The following ZNF875 variants were observed in gnomAD, a reference collection of about 807,000 sequenced individuals.
The protein encoded by ZNF875 is HKR1, GLI-Kruppel zinc finger family member.
A neutral mutation model predicts 11.2 loss-of-function variants in ZNF875; 14 were observed. That is an observed-to-expected ratio of 1.26 (90% CI 0.83 to 1.96). ZNF875 has a LOEUF of 1.96. Ranked by LOEUF, ZNF875 falls within the 30% of genes most tolerant of loss-of-function variation. The pLI, the probability that ZNF875 is intolerant of heterozygous loss-of-function variation, is 0.00. For missense variants in ZNF875, 752 were observed against 760.4 expected, an observed-to-expected ratio of 0.99 and a Z score of 0.13; for synonymous variants, 301 against 281.1, an observed-to-expected ratio of 1.07 and a Z score of -0.71.
At chr19:37,332,780 G>A (rs529361247), upstream of ZNF875, among the ~76,000 whole-genome samples, 2 of 152,192 alleles carry the variant, frequency 1.3e-5, no homozygotes, top group South Asian at 4.1e-4. Flanking sequence ...TTCCCTTGAT[G>A]GGCATGACTA....
upstream of ZNF875, among the ~76,000 whole-genome samples, chr19:37,316,166 A>G (rs534493489): frequency 6.6e-5 from 10 of 152,332 alleles, no homozygotes; most frequent in East Asian, 1.7e-3. Context: ...AATGCCTGCA[A>G]AACACTGACT....
At chr19:37,347,383 G>A in intron 3 of ZNF875, 67 bp downstream of exon 3, 1 of 1,458,172 alleles carries the variant, frequency 6.9e-7, no homozygotes, top group Non-Finnish European at 9.4e-7. Flanking sequence ...TCGTGAGGAA[G>A]GGCTACCTGC....
intron 1 of ZNF875, among the ~76,000 whole-genome samples, chr19:37,319,436 G>A (rs1568558360): frequency 6.7e-6 from 1 of 148,880 alleles, no homozygotes; most frequent in Non-Finnish European, 1.5e-5. Flanking sequence ...TCTGACTTTT[G>A]TAGTATTTAT....
intron 4 of ZNF875, among the ~76,000 whole-genome samples, chr19:37,351,424 T>A (rs1299720325): frequency 1.3e-5 from 2 of 152,192 alleles, no homozygotes; most frequent in Non-Finnish European, 2.9e-5. Flanking sequence ...CTATATCCCA[T>A]TTAAGTGATT....
chr19:37,324,832 TATGGC>T (rs2032143958), intron 4 of ZNF875: 1 of 159,982 alleles, frequency 6.3e-6, no homozygotes, highest in African/African-American at 2.4e-5. Context: ...TGGAGTGTAG[TATGGC>T]GATCTCTGCT....
intron 2 of ZNF875, among the ~76,000 whole-genome samples, chr19:37,341,571 A>G (rs1324444123): frequency 6.6e-6 from 1 of 152,176 alleles, no homozygotes; most frequent in Non-Finnish European, 1.5e-5. Context: ...CTTTTGGCCA[A>G]AGGAAGTCAC....
upstream of ZNF875, among the ~76,000 whole-genome samples, chr19:37,316,542 G>GT (rs1312092116): frequency 4.0e-5 from 6 of 150,910 alleles, no homozygotes; most frequent in African/African-American, 1.5e-4. Flanking sequence ...GCTAATTTTT[G>GT]TTTTTTTAGT....
At chr19:37,360,851 T>G (rs1451032123) in intron 4 of ZNF875, among the ~76,000 whole-genome samples, 1 of 152,110 alleles carries the variant, frequency 6.6e-6, no homozygotes, top group East Asian at 1.9e-4. Context: ...CCTTAGCATT[T>G]TATTATTTTT....
chr19:37,363,594 C>T lies in ZNF875; in HGVS notation c.1742C>T (p.Ala581Val). The T allele has an allele frequency of 6.2e-7, 1 of 1,613,662 alleles. No individual in the cohort carries two copies. The highest frequency in any genetic ancestry group is 8.5e-7 in the Non-Finnish European group (1 of 1,179,892). Residue 581 changes from alanine to valine, a missense_variant, in exon 5 of 5, where the codon GCA becomes GTA. By Grantham distance (64) the Ala-to-Val change is moderately conservative (BLOSUM62 0). Coordinates refer to ENST00000392153, the MANE Select transcript of ZNF875 (RefSeq NM_001353803.2). ...AKLTLIKHQR[A>V]HAGGKPHVCR... ...TTAACTCTCATTAAACACCAGAGAGCACACGCAGGGGGGAAGCCTCATGTG... is the reference window on the plus strand; with the variant it reads ...TTAACTCTCATTAAACACCAGAGAGTACACGCAGGGGGGAAGCCTCATGTG...
At chr19:37,357,934 G>A in intron 4 of ZNF875, 1 of 398,366 alleles carries the variant, frequency 2.5e-6, no homozygotes, top group Non-Finnish European at 4.4e-6. Context: ...GGTGAGAGCA[G>A]ACATCCTTTT....
chr19:37,345,687 A>G (rs529499181), intron 2 of ZNF875, among the ~76,000 whole-genome samples: 1 of 152,330 alleles, frequency 6.6e-6, no homozygotes, highest in East Asian at 1.9e-4. Context: ...AACATAACCC[A>G]TAGATTGAGA....
In ZNF875 at chr19:37,348,572, A is replaced by C. The variant is rs947118372; in HGVS notation, c.256+700A>C. On this transcript the variant is annotated intron_variant, in intron 4 of 4. Transcript: ENST00000392153. Reference sequence around the variant, plus strand: ...GTATTTTGTTTTCTTCCCTGAGACTAATTTTGTACTATGTTGGTATATGTA... The same window carrying C: ...GTATTTTGTTTTCTTCCCTGAGACTCATTTTGTACTATGTTGGTATATGTA... Among the ~76,000 whole-genome samples the C allele has an allele frequency of 3.3e-5, 5 of 152,174 alleles. No individual in the cohort carries two copies. In the East Asian group the frequency reaches 9.6e-4, roughly 29 times the overall value.
intron 2 of ZNF875, among the ~76,000 whole-genome samples, chr19:37,338,827 G>A (rs1051087260): frequency 7.2e-5 from 11 of 152,276 alleles, no homozygotes; most frequent in Middle Eastern, 3.4e-3. Context: ...TTTCAGGAGC[G>A]TTGGGTAGAA....
rs769554350 is a variant in ZNF875 at position 37,347,791 on chromosome 19, A to G, written c.175A>G (p.Lys59Glu). ...HLVSLEIPSS[K>E]PKLIAQLERG... ...CCTATGAACAGAAATTCCATCTTCT[A>G]AACCAAAACTCATTGCTCAGCTGGA... Residue 59 changes from lysine to glutamate, a missense_variant, in exon 4 of 5, where the codon AAA (lysine) becomes GAA (glutamate). By Grantham distance (56) the Lys-to-Glu change is moderately conservative. Coordinates refer to ENST00000392153, the MANE Select transcript of ZNF875 (RefSeq NM_001353803.2). The G allele has an allele frequency of 6.2e-7, 1 of 1,612,170 alleles. No homozygotes were observed. Among genetic ancestry groups the G allele is most frequent in the African/African-American group, 1.3e-5 (1 of 74,858 alleles).
chr19:37,364,360 G>A lies in ZNF875; in HGVS notation c.*585G>A, dbSNP rs1026810444. 1 of 152,960 alleles carries A rather than the reference G, an allele frequency of 6.5e-6. No homozygotes were observed. Among genetic ancestry groups the A allele is most frequent in the Non-Finnish European group, 1.5e-5 (1 of 68,698 alleles). The allele number at this position is 152,960 out of a possible 1,614,324, so 9.5% of individuals were successfully genotyped here. A position where few individuals can be genotyped will look rare whatever the true frequency, so the allele number is the denominator to read the frequency against. On this transcript the variant is annotated 3_prime_UTR_variant, in exon 5 of 5. Coordinates refer to ENST00000392153, the MANE Select transcript of ZNF875 (RefSeq NM_001353803.2). ...CTGCAGTGAGGAGAGAAATCACCCT[G>A]CTGTGGGGGTTGGGGACCACTCCCT...
At chr19:37,352,243 T>G (rs1002048907) in intron 4 of ZNF875, among the ~76,000 whole-genome samples, 1 of 150,096 alleles carries the variant, frequency 6.7e-6, no homozygotes, top group Non-Finnish European at 1.5e-5. Flanking sequence ...TGAGACAGAG[T>G]TTTGCTTTTG....
chr19:37,347,845 A>G lies in ZNF875; in HGVS notation c.229A>G (p.Arg77Gly), dbSNP rs753540564. ...ERGEAPWREE[R>G]KCPLDLCPES... Reference sequence around the variant, plus strand: ...AGGGGAAGCGCCCTGGAGAGAGGAGAGAAAATGTCCACTGGACCTCTGTCC... The same window carrying G: ...AGGGGAAGCGCCCTGGAGAGAGGAGGGAAAATGTCCACTGGACCTCTGTCC... Residue 77 changes from arginine (R) to glycine (G), a missense_variant, in exon 4 of 5, where the codon AGA (arginine) becomes GGA (glycine). Transcript: ENST00000392153. The G allele has an allele frequency of 8.7e-6, 14 of 1,611,202 alleles. No homozygotes were observed. The South Asian group carries it at 1.4e-4, about 16-fold the overall frequency.
upstream of ZNF875, among the ~76,000 whole-genome samples, chr19:37,330,983 G>C (rs1343056218): frequency 3.3e-5 from 5 of 151,874 alleles, no homozygotes; most frequent in Non-Finnish European, 5.9e-5. Flanking sequence ...TCAGGAGATC[G>C]AGACCATCCT....
At chr19:37,339,328 A>G (rs2035177889) in intron 2 of ZNF875, among the ~76,000 whole-genome samples, 2 of 152,156 alleles carry the variant, frequency 1.3e-5, no homozygotes, top group Non-Finnish European at 2.9e-5. Context: ...TAATTTCCAT[A>G]GTAATCCATT....
Sources: allele counts gnomAD v4.1 joint callset (sites outside exome capture counted in the v4.1 genomes callset), GRCh38; gene constraint gnomAD v4.1.1; transcripts MANE v1.5; gene names NCBI Gene and HGNC (gene_info 2026-07-23, HGNC 2026-07-21).